SLC25A43: variants seen among roughly 807,000 people sequenced by gnomAD.
SLC25A43 encodes the protein solute carrier family 25 member 43, also known as solute carrier family 25, member 43.
Under a neutral mutation model 22.8 loss-of-function variants are expected in SLC25A43, and 10 were observed. The observed-to-expected ratio is 0.44, with a 90% CI of 0.27 to 0.74. SLC25A43 has a LOEUF of 0.74. Ranked by LOEUF, SLC25A43 falls within the 30% of genes least tolerant of loss-of-function variation. The pLI, the probability that SLC25A43 is intolerant of heterozygous loss-of-function variation, is 0.17. For missense variants in SLC25A43, 233 were observed against 279.1 expected, an observed-to-expected ratio of 0.83 and a Z score of 1.18; for synonymous variants, 106 against 121.6, an observed-to-expected ratio of 0.87 and a Z score of 0.84.
chrX:119,428,088 AT>A (rs2052523226), intron 3 of SLC25A43, among the ~76,000 whole-genome samples: 1 of 111,856 alleles, frequency 8.9e-6, no homozygotes, highest in Admixed American at 9.5e-5. Flanking sequence ...AAACTTGTAC[AT>A]TTATGTTCTG....
chrX:119,442,909 A>T (rs949117608), intron 3 of SLC25A43, among the ~76,000 whole-genome samples: 1 of 111,791 alleles, frequency 8.9e-6, no homozygotes, highest in Admixed American at 9.6e-5. Context: ...CAAACCATTC[A>T]TTGAGCACCA....
At chrX:119,445,331 C>A (rs1226270680) in intron 3 of SLC25A43, among the ~76,000 whole-genome samples, 1 of 111,919 alleles carries the variant, frequency 8.9e-6, no homozygotes, top group Non-Finnish European at 1.9e-5. Context: ...CGACTTCCCC[C>A]CTATACATAC....
At chrX:119,412,941 G>A (rs754940715) in intron 3 of SLC25A43, among the ~76,000 whole-genome samples, 58 of 109,763 alleles carry the variant, frequency 5.3e-4, no homozygotes, top group Middle Eastern at 4.2e-3. Context: ...GCAACATAGC[G>A]AGACCTTGTC....
At chrX:119,426,550 C>T (rs957516218) in intron 3 of SLC25A43, among the ~76,000 whole-genome samples, 1 of 111,755 alleles carries the variant, frequency 8.9e-6, no homozygotes, top group East Asian at 2.8e-4. Flanking sequence ...AGGCCGGGCG[C>T]GGCGACTCAC....
chrX:119,406,357 TA>T (rs1485598026), intron 1 of SLC25A43, 102 bp from the exon 2 acceptor site: 4 of 981,134 alleles, frequency 4.1e-6, no homozygotes, highest in Non-Finnish European at 5.6e-6. Context: ...TTTCACTTTG[TA>T]AAGTACTTTG....
chrX:119,447,975 A>C (rs1254085558), intron 3 of SLC25A43, among the ~76,000 whole-genome samples: 1 of 111,370 alleles, frequency 9.0e-6, no homozygotes, highest in Non-Finnish European at 1.9e-5. Flanking sequence ...GCTAACAAGC[A>C]TTGCGCAGTT....
chrX:119,450,738 T>C (rs1486248031), intron 3 of SLC25A43, among the ~76,000 whole-genome samples: 1 of 101,416 alleles, frequency 9.9e-6, no homozygotes, highest in African/African-American at 3.9e-5. Flanking sequence ...TGTGTATAGC[T>C]TAATCTAAAC....
intron 3 of SLC25A43, among the ~76,000 whole-genome samples, chrX:119,444,487 C>T (rs773900812): frequency 1.8e-5 from 2 of 108,379 alleles, no homozygotes; most frequent in South Asian, 4.1e-4. Context: ...GGGTGGATCA[C>T]GAGGTCGAGA....
chrX:119,416,258 C>T (rs1194467196), intron 3 of SLC25A43, among the ~76,000 whole-genome samples: 2 of 108,606 alleles, frequency 1.8e-5, no homozygotes, highest in Admixed American at 9.9e-5. Flanking sequence ...CTCGCTCTGT[C>T]GCCCATGCTG....
chrX:119,416,007 C>CAAAA (rs34024967), intron 3 of SLC25A43, among the ~76,000 whole-genome samples: 2 of 50,377 alleles, frequency 4.0e-5, no homozygotes, highest in African/African-American at 1.6e-4. Flanking sequence ...GACCCTATCT[C>CAAAA]AAAAAAAAAA....
intron 3 of SLC25A43, among the ~76,000 whole-genome samples, chrX:119,429,161 C>T (rs1467912800): frequency 9.2e-6 from 1 of 108,525 alleles, no homozygotes; most frequent in Non-Finnish European, 1.9e-5. Context: ...AAGCGATTCT[C>T]CTGCCTCACC....
intron 3 of SLC25A43, 32 bp downstream of exon 3, chrX:119,410,394 G>A: frequency 8.3e-7 from 1 of 1,198,389 alleles, no homozygotes; most frequent in Non-Finnish European, 1.1e-6. Flanking sequence ...GTAGGGGGTG[G>A]AATGCTTTGT....
intron 3 of SLC25A43, among the ~76,000 whole-genome samples, chrX:119,446,218 T>C (rs1329264569): frequency 9.5e-6 from 1 of 105,661 alleles, no homozygotes; most frequent in Non-Finnish European, 1.9e-5. Context: ...TAAAATCGAG[T>C]TTTCACACTG....
chrX:119,419,243 C>T (rs1214665224), intron 3 of SLC25A43, among the ~76,000 whole-genome samples: 1 of 111,629 alleles, frequency 9.0e-6, no homozygotes, highest in Non-Finnish European at 1.9e-5. Context: ...ACACCCTCCC[C>T]TATTGCCCAT....
chrX:119,416,215 C>G (rs1301250927), intron 3 of SLC25A43, among the ~76,000 whole-genome samples: 1 of 106,536 alleles, frequency 9.4e-6, no homozygotes, highest in Non-Finnish European at 1.9e-5. Context: ...TAGAAAAATG[C>G]CTTTTTTTTT....
At chrX:119,451,078 G>C (rs1307192089) in intron 3 of SLC25A43, among the ~76,000 whole-genome samples, 1 of 111,364 alleles carries the variant, frequency 9.0e-6, no homozygotes, top group Non-Finnish European at 1.9e-5. Flanking sequence ...CAGGAGAATC[G>C]CTTGAACCCG....
At chrX:119,430,824 TA>T (rs1363172437) in intron 3 of SLC25A43, among the ~76,000 whole-genome samples, 2 of 112,074 alleles carry the variant, frequency 1.8e-5, no homozygotes, top group Non-Finnish European at 3.8e-5. Flanking sequence ...CAGCACCCCA[TA>T]CTTGCCTTTG....
chrX:119,430,098 C>G (rs1223207675), intron 3 of SLC25A43, among the ~76,000 whole-genome samples: 1 of 111,727 alleles, frequency 9.0e-6, no homozygotes, highest in Non-Finnish European at 1.9e-5. Context: ...GGGATAGTTG[C>G]CTGGGTTTGT....
intron 3 of SLC25A43, among the ~76,000 whole-genome samples, chrX:119,410,750 G>A (rs575934058): frequency 2.7e-5 from 3 of 110,938 alleles, no homozygotes; most frequent in Admixed American, 9.6e-5. Context: ...TTAGCTGGGC[G>A]TGGTGGCAGG....
Sources: gnomAD v4.1 joint callset for allele counts (sites outside exome capture counted in the v4.1 genomes callset) on GRCh38, gnomAD v4.1.1 for gene constraint, MANE v1.5 for transcripts, NCBI Gene and HGNC (gene_info 2026-07-23, HGNC 2026-07-21) for gene names.